The following GRID2 variants were observed in gnomAD, a reference collection of about 807,000 sequenced individuals.
The protein encoded by GRID2 is glutamate receptor ionotropic, delta-2.
GRID2 carries 33 observed loss-of-function variants against 114.8 expected under a neutral mutation model. That is an observed-to-expected ratio of 0.29 (90% confidence interval 0.22 to 0.38). The LOEUF (loss-of-function observed/expected upper bound fraction) is 0.38. Among genes scored for constraint, GRID2 ranks in the 10% least tolerant of loss-of-function variants. GRID2 has a pLI of 1.00. For synonymous variants in GRID2, 505 were observed against 449.9 expected (o/e 1.12, Z -1.55); for missense variants, 1,184 against 1,257.7 (o/e 0.94, Z 0.89).
chr4:92,345,631 A>C (rs148580175), intron 1 of GRID2, among the ~76,000 whole-genome samples: 1 of 152,354 alleles, frequency 6.6e-6, no homozygotes, highest in South Asian at 2.1e-4. Flanking sequence ...TTTCTAAGTC[A>C]TAAATGATAT....
intron 2 of GRID2, among the ~76,000 whole-genome samples, chr4:92,967,695 G>A (rs955251784): frequency 1.3e-5 from 2 of 151,888 alleles, no homozygotes; most frequent in Non-Finnish European, 2.9e-5. Context: ...AAGATGAGCT[G>A]TCTTTCAATT....
chr4:92,720,506 A>G (rs1024138064), intron 2 of GRID2, among the ~76,000 whole-genome samples: 6 of 152,014 alleles, frequency 3.9e-5, no homozygotes, highest in African/African-American at 7.2e-5. Flanking sequence ...CACTAATTAA[A>G]AAAAGCTCTT....
At chr4:93,603,958 G>A (rs151028573) in intron 13 of GRID2, among the ~76,000 whole-genome samples, 1 of 152,230 alleles carries the variant, frequency 6.6e-6, no homozygotes, top group Admixed American at 6.5e-5. Flanking sequence ...GCTCCGATGG[G>A]GATGTACAAG....
intron 14 of GRID2, among the ~76,000 whole-genome samples, chr4:93,715,499 C>T (rs1001300495): frequency 2.6e-5 from 4 of 152,096 alleles, no homozygotes; most frequent in Admixed American, 2.6e-4. Context: ...AGAATAGCAT[C>T]AAATCTAAAA....
intron 2 of GRID2, among the ~76,000 whole-genome samples, chr4:92,932,659 C>T (rs934529515): frequency 1.3e-5 from 2 of 151,222 alleles, no homozygotes; most frequent in African/African-American, 4.8e-5. Flanking sequence ...CCTGCAACAG[C>T]TCAAGTGGCC....
intron 2 of GRID2, among the ~76,000 whole-genome samples, chr4:92,745,150 A>G (rs1737086652): frequency 6.6e-6 from 1 of 152,226 alleles, no homozygotes; most frequent in Non-Finnish European, 1.5e-5. Flanking sequence ...CAAATGTCCT[A>G]GTCTGACAGC....
rs1732540546 is a variant in GRID2 at position 93,753,957 on chromosome 4, G to A, written c.2361-15253G>A. Among the ~76,000 whole-genome samples, 4 of 152,236 alleles carry A rather than the reference G, an allele frequency of 2.6e-5. No homozygotes were observed. The South Asian group carries it at 8.3e-4, about 32-fold the overall frequency. ...CATTCTGAGAAATGCATTGTTAGGT[G>A]ATTTCATTGTTTTATGAACATCGCA... On this transcript the variant is annotated intron_variant, in intron 14 of 15. Coordinates refer to ENST00000282020, the MANE Select transcript of GRID2 (RefSeq NM_001510.4).
intron 1 of GRID2, among the ~76,000 whole-genome samples, chr4:92,460,198 A>G (rs1721431394): frequency 6.6e-6 from 1 of 151,224 alleles, no homozygotes; most frequent in Non-Finnish European, 1.5e-5. Flanking sequence ...CTCAATGTAT[A>G]TGTGATGTGA....
intron 14 of GRID2, among the ~76,000 whole-genome samples, chr4:93,732,103 A>G (rs1730533160): frequency 1.3e-5 from 2 of 152,156 alleles, no homozygotes; most frequent in Admixed American, 1.3e-4. Flanking sequence ...AAAACATAAA[A>G]CCCCCATCAG....
intron 14 of GRID2, among the ~76,000 whole-genome samples, chr4:93,629,513 GA>G (rs1560839428): frequency 6.6e-6 from 1 of 151,858 alleles, no homozygotes; most frequent in South Asian, 2.1e-4. Flanking sequence ...TAGCCATAAG[GA>G]AAAAGAGATC....
At chr4:92,397,270 C>G (rs1315221561) in intron 1 of GRID2, among the ~76,000 whole-genome samples, 1 of 151,358 alleles carries the variant, frequency 6.6e-6, no homozygotes, top group Non-Finnish European at 1.5e-5. Context: ...TTTAGTCTCT[C>G]TGTTATTAAC....
At chr4:93,338,682 C>A (rs983203299) in intron 8 of GRID2, among the ~76,000 whole-genome samples, 1 of 152,164 alleles carries the variant, frequency 6.6e-6, no homozygotes, top group South Asian at 2.1e-4. Flanking sequence ...TATCACACCA[C>A]TGACTACCTC....
chr4:92,482,233 C>T lies in GRID2; in HGVS notation c.89-107898C>T, dbSNP rs578193822. Among the ~76,000 whole-genome samples the T allele has an allele frequency of 1.7e-3, 254 of 151,514 alleles. 2 individuals carry two copies. The Middle Eastern group carries it at 0.024, about 15-fold the overall frequency. ...CACAGGAATAGAAAACCAAATATTGCATGTCCTCACTTATATGTGGGTGCT... is the reference window on the plus strand; with the variant it reads ...CACAGGAATAGAAAACCAAATATTGTATGTCCTCACTTATATGTGGGTGCT... On this transcript the variant is annotated intron_variant, in intron 1 of 15. Transcript: ENST00000282020.
intron 7 of GRID2, among the ~76,000 whole-genome samples, chr4:93,234,674 T>C (rs1746562458): frequency 1.3e-5 from 2 of 151,732 alleles, no homozygotes; most frequent in African/African-American, 4.8e-5. Flanking sequence ...TCTTGTATCT[T>C]AGTTTCTATT....
intron 8 of GRID2, among the ~76,000 whole-genome samples, chr4:93,252,051 T>C (rs1365987135): frequency 6.6e-6 from 1 of 152,094 alleles, no homozygotes; most frequent in African/African-American, 2.4e-5. Context: ...TTTCAGGAAT[T>C]GCCACACTGT....
intron 2 of GRID2, among the ~76,000 whole-genome samples, chr4:93,046,323 A>G (rs1277828036): frequency 6.6e-6 from 1 of 152,046 alleles, no homozygotes; most frequent in Non-Finnish European, 1.5e-5. Flanking sequence ...TAGCTTTTGG[A>G]ATAAAAATGC....
rs1398216696 is a variant in GRID2 at position 92,592,221 on chromosome 4, CG to C, written c.244+1936del. 5.3e-5 allele frequency among the ~76,000 whole-genome samples: 8 copies of C among 152,030 alleles called. No individual in the cohort carries two copies. The South Asian group carries it at 8.3e-4, about 16-fold the overall frequency. ...AGGACCAGAATGTGAGCAGGAAAAACGTGAGGACTGATTTCTTTCTTTATCT... is the reference window on the plus strand; with the variant it reads ...AGGACCAGAATGTGAGCAGGAAAAACTGAGGACTGATTTCTTTCTTTATCT... On this transcript the variant is annotated intron_variant, in intron 2 of 15. Coordinates refer to ENST00000282020, the MANE Select transcript of GRID2 (RefSeq NM_001510.4).
At chr4:92,949,131 A>G (rs1202507251) in intron 2 of GRID2, among the ~76,000 whole-genome samples, 1 of 148,256 alleles carries the variant, frequency 6.7e-6, no homozygotes, top group Non-Finnish European at 1.5e-5. Flanking sequence ...AGACAAAGAA[A>G]ATGTGTGTGT....
chr4:93,292,030 G>A (rs566688347), intron 8 of GRID2, among the ~76,000 whole-genome samples: 1 of 152,264 alleles, frequency 6.6e-6, no homozygotes, highest in South Asian at 2.1e-4. Flanking sequence ...GGGGCCAAGA[G>A]AGCACCATGT....
Sources: allele counts gnomAD v4.1 joint callset (sites outside exome capture counted in the v4.1 genomes callset), GRCh38; gene constraint gnomAD v4.1.1; transcripts MANE v1.5; gene names NCBI Gene and HGNC (gene_info 2026-07-23, HGNC 2026-07-21).